Variants in PLPPR5 observed in about 807,000 individuals in gnomAD.
PLPPR5 encodes phospholipid phosphatase-related protein type 5.
Under a neutral mutation model 33.9 loss-of-function variants are expected in PLPPR5, and 16 were observed. That is an observed-to-expected ratio of 0.47 (90% CI 0.32 to 0.72). PLPPR5 has a LOEUF of 0.72. Among genes scored for constraint, PLPPR5 ranks in the 30% least tolerant of loss-of-function variants. PLPPR5 has a pLI of 0.03. For synonymous variants in PLPPR5, 163 were observed against 150.3 expected (o/e 1.08, Z -0.62); for missense variants, 301 against 406.7 (o/e 0.74, Z 2.23).
intron 3 of PLPPR5, among the ~76,000 whole-genome samples, chr1:98,944,574 A>G (rs956037649): frequency 6.6e-6 from 1 of 152,222 alleles, no homozygotes; most frequent in African/African-American, 2.4e-5. Flanking sequence ...TTGATCTTGG[A>G]CTTTCTAGTC....
chr1:98,948,664 C>A (rs555995334), intron 3 of PLPPR5, among the ~76,000 whole-genome samples: 2 of 152,230 alleles, frequency 1.3e-5, no homozygotes, highest in Non-Finnish European at 1.5e-5. Flanking sequence ...TATTGGAAGG[C>A]GGCTCTGAGA....
At chr1:98,955,138 T>C (rs1650956124) in intron 2 of PLPPR5, among the ~76,000 whole-genome samples, 1 of 152,110 alleles carries the variant, frequency 6.6e-6, no homozygotes, top group Non-Finnish European at 1.5e-5. Flanking sequence ...TGTACTATTA[T>C]ACAGTGATGC....
chr1:98,994,962 C>G (rs1033536359), intron 1 of PLPPR5, among the ~76,000 whole-genome samples: 1 of 152,102 alleles, frequency 6.6e-6, no homozygotes, highest in African/African-American at 2.4e-5. Flanking sequence ...GATACCATCT[C>G]ACATCAGTCA....
At chr1:98,970,184 T>C (rs1271431724) in intron 1 of PLPPR5, among the ~76,000 whole-genome samples, 2 of 152,006 alleles carry the variant, frequency 1.3e-5, no homozygotes, top group African/African-American at 2.4e-5. Flanking sequence ...ACATAGGAAA[T>C]CCTTATATTT....
chr1:98,933,200 A>G (rs2101179729), intron 3 of PLPPR5, among the ~76,000 whole-genome samples: 1 of 152,188 alleles, frequency 6.6e-6, no homozygotes, highest in African/African-American at 2.4e-5. Flanking sequence ...TTTTAAAAAA[A>G]AAAAAAAGGT....
At chr1:99,002,460 C>T (rs1411178553) in intron 1 of PLPPR5, among the ~76,000 whole-genome samples, 1 of 152,152 alleles carries the variant, frequency 6.6e-6, no homozygotes, top group Non-Finnish European at 1.5e-5. Flanking sequence ...ATGCCATACC[C>T]ACCTTTTTTT....
intron 5 of PLPPR5, among the ~76,000 whole-genome samples, chr1:98,912,219 G>A (rs1557666253): frequency 6.6e-6 from 1 of 152,048 alleles, no homozygotes; most frequent in Non-Finnish European, 1.5e-5. Context: ...TCAATGATCT[G>A]GACTTTTGCA....
intron 1 of PLPPR5, among the ~76,000 whole-genome samples, chr1:98,994,140 C>T (rs1360411718): frequency 1.3e-5 from 2 of 150,514 alleles, no homozygotes; most frequent in African/African-American, 2.5e-5. Flanking sequence ...GTATGGTGCA[C>T]ATAGAAGGTG....
intron 1 of PLPPR5, among the ~76,000 whole-genome samples, chr1:98,981,926 C>G (rs1247451971): frequency 6.6e-6 from 1 of 152,052 alleles, no homozygotes; most frequent in African/African-American, 2.4e-5. Flanking sequence ...TAAGTGATTG[C>G]CTGCCCAAGC....
intron 1 of PLPPR5, among the ~76,000 whole-genome samples, chr1:98,988,278 G>A (rs749788899): frequency 6.6e-6 from 1 of 152,022 alleles, no homozygotes; most frequent in Non-Finnish European, 1.5e-5. Flanking sequence ...AATCTCTATT[G>A]TTTCATTTAT....
At chr1:98,952,262 C>CAAAAAAAAAAAA (rs779701945) in intron 3 of PLPPR5, among the ~76,000 whole-genome samples, 1 of 113,078 alleles carries the variant, frequency 8.8e-6, no homozygotes, top group African/African-American at 3.1e-5. Context: ...GACTCCGTCT[C>CAAAAAAAAAAAA]AGAAAAAAAA....
chr1:98,959,279 T>TC (rs2101224579), intron 1 of PLPPR5, among the ~76,000 whole-genome samples: 1 of 152,294 alleles, frequency 6.6e-6, no homozygotes, highest in South Asian at 2.1e-4. Context: ...GGGGCTCTCT[T>TC]CCCAGTGGCT....
intron 5 of PLPPR5, among the ~76,000 whole-genome samples, chr1:98,899,745 G>A (rs896212270): frequency 2.8e-5 from 4 of 145,362 alleles, no homozygotes; most frequent in East Asian, 2.1e-4. Flanking sequence ...TGTAACCTCC[G>A]CCTCCCGGGT....
chr1:98,972,426 T>G (rs568675637), intron 1 of PLPPR5, among the ~76,000 whole-genome samples: 2 of 152,224 alleles, frequency 1.3e-5, no homozygotes, highest in Admixed American at 1.3e-4. Context: ...TTCAAAATCT[T>G]AATTATAATC....
chr1:98,966,543 T>TAC (rs1651457324), intron 1 of PLPPR5, among the ~76,000 whole-genome samples: 2 of 152,188 alleles, frequency 1.3e-5, no homozygotes, highest in African/African-American at 4.8e-5. Context: ...CTATATATGT[T>TAC]ACTAGCCGTG....
intron 3 of PLPPR5, among the ~76,000 whole-genome samples, chr1:98,944,421 G>C (rs1650482479): frequency 6.6e-6 from 1 of 152,168 alleles, no homozygotes; most frequent in Non-Finnish European, 1.5e-5. Flanking sequence ...GCAAAGTGAT[G>C]GTATTAAGAG....
At chr1:99,001,820 G>C (rs1176987115) in intron 1 of PLPPR5, among the ~76,000 whole-genome samples, 1 of 151,166 alleles carries the variant, frequency 6.6e-6, no homozygotes, top group Non-Finnish European at 1.5e-5. Flanking sequence ...AACCACACTT[G>C]AGAGTATGAC....
chr1:98,946,123 T>C (rs975471806), intron 3 of PLPPR5, among the ~76,000 whole-genome samples: 21 of 152,318 alleles, frequency 1.4e-4, no homozygotes, highest in Middle Eastern at 3.4e-3. Flanking sequence ...TGAGACTCTG[T>C]CTAGGGATTT....
intron 1 of PLPPR5, among the ~76,000 whole-genome samples, chr1:98,985,790 T>C (rs1652240200): frequency 6.6e-6 from 1 of 152,096 alleles, no homozygotes; most frequent in South Asian, 2.1e-4. Context: ...CAACAGATTA[T>C]TCCATATAGC....
Sources: allele counts gnomAD v4.1 joint callset (sites outside exome capture counted in the v4.1 genomes callset), GRCh38; gene constraint gnomAD v4.1.1; transcripts MANE v1.5; gene names NCBI Gene and HGNC (gene_info 2026-07-23, HGNC 2026-07-21).